The following PAWR variants were observed in gnomAD, a reference collection of about 807,000 sequenced individuals.
PAWR encodes PRKC apoptosis WT1 regulator protein.
Under a neutral mutation model 32.0 loss-of-function variants are expected in PAWR, and 23 were observed. That is an observed-to-expected ratio of 0.72 (90% CI 0.52 to 1.02). The LOEUF is 1.02. Among genes scored for constraint, PAWR ranks in the 50% least tolerant of loss-of-function variants. The pLI is 0.00. For synonymous variants in PAWR, 226 were observed against 187.1 expected, an observed-to-expected ratio of 1.21 and a Z score of -1.70; for missense variants, 457 against 437.7, an observed-to-expected ratio of 1.04 and a Z score of -0.39.
rs142719576 is a variant in PAWR at position 79,683,692 on chromosome 12, G to A, written c.516+6037C>T. Among the ~76,000 whole-genome samples, 621 of 151,548 alleles carry A rather than the reference G, an allele frequency of 4.1e-3. 13 individuals carry two copies. The highest frequency in any genetic ancestry group is 0.014 in the African/African-American group (590 of 41,264). ...AGATCTCCATGAAAGATATGTAAAA[G>A]TTTTATTAAGGTGAAAGTATTACAC... On this transcript the variant is annotated intron_variant, in intron 2 of 6. Transcript: ENST00000328827.
At chr12:79,665,666 C>T (rs944237742) in intron 2 of PAWR, among the ~76,000 whole-genome samples, 3 of 152,172 alleles carry the variant, frequency 2.0e-5, no homozygotes, top group African/African-American at 7.2e-5. Context: ...CTATTACTTA[C>T]ACTACTCTGA....
chr12:79,643,858 G>A (rs1876448125), intron 2 of PAWR, among the ~76,000 whole-genome samples: 2 of 152,280 alleles, frequency 1.3e-5, no homozygotes, highest in East Asian at 3.9e-4. Flanking sequence ...ATATGTAAAT[G>A]TTTGGTTAGA....
chr12:79,595,468 C>T (rs1873716302), intron 5 of PAWR, among the ~76,000 whole-genome samples: 1 of 152,210 alleles, frequency 6.6e-6, no homozygotes, highest in South Asian at 2.1e-4. Context: ...TCAATCCAAA[C>T]TCTTGTGGAA....
At chr12:79,620,340 C>T (rs529868879) in intron 3 of PAWR, among the ~76,000 whole-genome samples, 15 of 152,294 alleles carry the variant, frequency 9.8e-5, no homozygotes, top group East Asian at 1.9e-4. Context: ...GGCAGAGCAA[C>T]GTGAGAAAAC....
intron 2 of PAWR, among the ~76,000 whole-genome samples, chr12:79,650,825 T>C (rs1049445125): frequency 6.6e-6 from 1 of 151,996 alleles, no homozygotes; most frequent in African/African-American, 2.4e-5. Context: ...GCTGCTAATG[T>C]AGTTAATCTT....
chr12:79,620,637 A>G (rs1874959244), intron 3 of PAWR, among the ~76,000 whole-genome samples: 1 of 152,246 alleles, frequency 6.6e-6, no homozygotes. Context: ...AAAGGGTGAT[A>G]GAGCTCTAGC....
intron 2 of PAWR, among the ~76,000 whole-genome samples, chr12:79,637,617 TAAAC>T (rs1876024187): frequency 6.6e-6 from 1 of 150,718 alleles, no homozygotes; most frequent in South Asian, 2.1e-4. Flanking sequence ...CTGGGCATAA[TAAAC>T]AAATGACGTC....
Position 79,592,439 on chromosome 12 carries a change from C to A in PAWR, c.*168G>T. 2.0e-6 allele frequency: 1 copy of A among 497,910 alleles called. No individual in the cohort carries two copies. The allele number at this position is 497,910 out of a possible 1,614,324, so 30.8% of individuals were successfully genotyped here. On this transcript the variant is annotated 3_prime_UTR_variant, in exon 7 of 7. Coordinates refer to ENST00000328827, the MANE Select transcript of PAWR (RefSeq NM_002583.4). ...ATAAAAGGATAATGCTTTTTTAAAA[C>A]CAATAATGAAAAAGAAGTATTTTGA...
intron 2 of PAWR, among the ~76,000 whole-genome samples, chr12:79,652,525 T>A (rs1020006926): frequency 6.6e-6 from 1 of 152,212 alleles, no homozygotes; most frequent in African/African-American, 2.4e-5. Flanking sequence ...CTGAAGGGAA[T>A]GTGTCTTTTT....
intron 2 of PAWR, among the ~76,000 whole-genome samples, chr12:79,630,036 C>A (rs572586248): frequency 5.5e-4 from 84 of 151,554 alleles, no homozygotes; most frequent in Non-Finnish European, 1.0e-3. Context: ...AATCAATGAT[C>A]AAGGCTTTCA....
intron 2 of PAWR, among the ~76,000 whole-genome samples, chr12:79,628,153 T>G (rs984391588): frequency 2.0e-5 from 3 of 151,946 alleles, no homozygotes; most frequent in African/African-American, 7.3e-5. Context: ...ATTAAGAAAC[T>G]CTCTCAAAAC....
chr12:79,650,349 A>T (rs942944356), intron 2 of PAWR, among the ~76,000 whole-genome samples: 1 of 152,248 alleles, frequency 6.6e-6, no homozygotes, highest in African/African-American at 2.4e-5. Context: ...CCTTGTTATC[A>T]ACAAAACTGC....
At chr12:79,607,551 A>G (rs1255794111) in intron 4 of PAWR, among the ~76,000 whole-genome samples, 1 of 151,836 alleles carries the variant, frequency 6.6e-6, no homozygotes, top group Non-Finnish European at 1.5e-5. Context: ...CAACACAGAA[A>G]AACCCTGTCT....
At chr12:79,596,409 A>T in intron 5 of PAWR, 102 bp downstream of exon 5, 1 of 615,232 alleles carries the variant, frequency 1.6e-6, no homozygotes, top group Non-Finnish European at 2.7e-6. Context: ...CACATATTAA[A>T]TATTAAGGAA....
intron 2 of PAWR, among the ~76,000 whole-genome samples, chr12:79,665,523 A>G (rs1422849003): frequency 6.7e-6 from 1 of 149,462 alleles, no homozygotes; most frequent in Non-Finnish European, 1.5e-5. Flanking sequence ...GTCAATTAAA[A>G]TAAAAATTGT....
chr12:79,688,164 A>G (rs2136900232), intron 2 of PAWR, among the ~76,000 whole-genome samples: 1 of 152,042 alleles, frequency 6.6e-6, no homozygotes, highest in Non-Finnish European at 1.5e-5. Context: ...TTAACAAAAG[A>G]TGTTTCTTAG....
At chr12:79,679,634 AG>A (rs1418507142) in intron 2 of PAWR, among the ~76,000 whole-genome samples, 1 of 152,210 alleles carries the variant, frequency 6.6e-6, no homozygotes, top group Non-Finnish European at 1.5e-5. Context: ...CTGATACGGC[AG>A]TAGTATTAGC....
chr12:79,626,035 G>A (rs1292372557), intron 2 of PAWR, among the ~76,000 whole-genome samples: 6 of 146,152 alleles, frequency 4.1e-5, no homozygotes, highest in East Asian at 4.3e-4. Context: ...GTGGTGGCAC[G>A]CGCCTGTAGT....
intron 2 of PAWR, among the ~76,000 whole-genome samples, chr12:79,631,476 G>A (rs927852814): frequency 9.9e-5 from 15 of 152,036 alleles, no homozygotes; most frequent in African/African-American, 2.9e-4. Context: ...TAGGAAGATC[G>A]CAAGATACAA....
Sources: allele counts gnomAD v4.1 joint callset (sites outside exome capture counted in the v4.1 genomes callset), GRCh38; gene constraint gnomAD v4.1.1; transcripts MANE v1.5; gene names NCBI Gene and HGNC (gene_info 2026-07-23, HGNC 2026-07-21).